The following SLC25A48 variants were observed in gnomAD, a reference collection of about 807,000 sequenced individuals.
SLC25A48 encodes CTC-321K16.1.
Under a neutral mutation model 32.2 loss-of-function variants are expected in SLC25A48, and 29 were observed. The ratio of observed to expected loss-of-function variants is 0.90; its 90% confidence interval spans 0.67 to 1.23. The LOEUF is 1.23. SLC25A48 is among the 50% of genes most tolerant of loss of function. The pLI is 0.00. For missense variants in SLC25A48, 399 were observed against 422.7 expected (o/e 0.94, Z 0.49); for synonymous variants, 164 against 172.3 (o/e 0.95, Z 0.38).
upstream of SLC25A48, among the ~76,000 whole-genome samples, chr5:135,831,065 G>A (rs1166453179): frequency 2.0e-5 from 3 of 152,196 alleles, no homozygotes; most frequent in South Asian, 2.1e-4. Context: ...AGTCGGCTAT[G>A]AGGAGGGCAG....
In SLC25A48 at chr5:135,695,230, G is replaced by A. The variant is rs569584934; in HGVS notation, c.-521+60274G>A. The stretch of plus-strand genomic sequence containing the variant: ...CCTGTCCATCCAGTCTGAGGTAGTG[G>A]CCTTCCCTTCCTCCAAAACCCTTCT... On this transcript the variant is annotated intron_variant, in intron 3 of 10. Transcript: ENST00000646290. Among the ~76,000 whole-genome samples, 3 of 152,314 alleles carry A rather than the reference G, an allele frequency of 2.0e-5. No individual in the cohort carries two copies. The East Asian group carries it at 5.8e-4, about 29-fold the overall frequency.
Position 135,641,602 on chromosome 5 carries a change from C to A in SLC25A48, c.-521+6646C>A, listed in dbSNP as rs142989113. Among the ~76,000 whole-genome samples the A allele has an allele frequency of 9.2e-5, 14 of 152,288 alleles. No homozygotes were observed. The East Asian group carries it at 2.7e-3, about 29-fold the overall frequency. On this transcript the variant is annotated intron_variant, in intron 3 of 10. Transcript: ENST00000646290. ...GCTCTCCAATCAGCATTAGTGATGA[C>A]CTCTTTGGGTAGCTGTAGGGCAGAA...
At chr5:135,767,241 C>G (rs185607273) in intron 3 of SLC25A48, among the ~76,000 whole-genome samples, 33 of 150,148 alleles carry the variant, frequency 2.2e-4, no homozygotes, top group Non-Finnish European at 2.8e-4. Flanking sequence ...GGTGATATTA[C>G]TATCTATATT....
At position 135,769,153 on chromosome 5, in the gene SLC25A48, G is replaced by A. The variant is rs559731639; in HGVS notation, c.-520-43370G>A. On this transcript the variant is annotated intron_variant, in intron 3 of 10. Transcript: ENST00000646290. ...TATTACTACCAATATCGCAAGGGGT[G>A]TACACCCCCCTGTGATATTGTTCAT... Among the ~76,000 whole-genome samples the A allele has an allele frequency of 1.9e-3, 276 of 149,108 alleles. 1 individual carries two copies. The highest frequency in any genetic ancestry group is 6.5e-3 in the African/African-American group (264 of 40,672).
chr5:135,690,312 G>T (rs748007310), intron 3 of SLC25A48, among the ~76,000 whole-genome samples: 5 of 152,122 alleles, frequency 3.3e-5, no homozygotes, highest in Non-Finnish European at 5.9e-5. Context: ...ATTATGGAGG[G>T]ATGAAAATCA....
chr5:135,644,953 A>C (rs1752924548), intron 3 of SLC25A48, among the ~76,000 whole-genome samples: 1 of 151,944 alleles, frequency 6.6e-6, no homozygotes, highest in African/African-American at 2.4e-5. Flanking sequence ...AGAGAACTCC[A>C]GTTCAAATAC....
chr5:135,637,169 C>A (rs1752724110), intron 3 of SLC25A48, among the ~76,000 whole-genome samples: 1 of 152,162 alleles, frequency 6.6e-6, no homozygotes, highest in Non-Finnish European at 1.5e-5. Context: ...ACACAAATCA[C>A]CAACAAGTAA....
intron 1 of SLC25A48, chr5:135,835,286 T>G (rs1758403269): frequency 6.8e-6 from 3 of 442,236 alleles, no homozygotes; most frequent in South Asian, 4.9e-5. Flanking sequence ...AGCGCTTGGC[T>G]GCTGATCCCG....
intron 7 of SLC25A48, 66 bp downstream of exon 7, chr5:135,880,163 C>A: frequency 6.9e-7 from 1 of 1,443,356 alleles, no homozygotes; most frequent in Non-Finnish European, 9.2e-7. Flanking sequence ...TTTTTTTTAT[C>A]ATGAGAATGT....
At chr5:135,587,443 G>A (rs753124281) in intron 1 of SLC25A48, among the ~76,000 whole-genome samples, 5 of 152,238 alleles carry the variant, frequency 3.3e-5, no homozygotes, top group Non-Finnish European at 5.9e-5. Flanking sequence ...TGTCAAGAGG[G>A]AGTGTTTGTG....
intron 6 of SLC25A48, among the ~76,000 whole-genome samples, chr5:135,879,583 GGAGAGAGAGAGA>G (rs371969525): frequency 0.013 from 1,897 of 143,454 alleles, 38 homozygotes; most frequent in African/African-American, 0.047. Context: ...AGATTCCCGA[GGAGAGAGAGAGA>G]GAGAGAGAGA....
At chr5:135,692,024 A>C (rs1754153423) in intron 3 of SLC25A48, among the ~76,000 whole-genome samples, 1 of 152,198 alleles carries the variant, frequency 6.6e-6, no homozygotes, top group South Asian at 2.1e-4. Context: ...ATCTTTAAAA[A>C]AGAGGTAGGC....
intron 3 of SLC25A48, among the ~76,000 whole-genome samples, chr5:135,730,714 TC>T (rs1161596158): frequency 6.6e-6 from 1 of 152,192 alleles, no homozygotes; most frequent in Non-Finnish European, 1.5e-5. Context: ...GTTTGAAACT[TC>T]CTAGAGACTT....
intron 1 of SLC25A48, among the ~76,000 whole-genome samples, chr5:135,590,453 C>T (rs1751494352): frequency 6.6e-6 from 1 of 152,326 alleles, no homozygotes; most frequent in African/African-American, 2.4e-5. Flanking sequence ...TGCTCTGTGT[C>T]TGGGCCTGTA....
At chr5:135,709,571 G>A (rs1448422744) in intron 3 of SLC25A48, among the ~76,000 whole-genome samples, 4 of 152,212 alleles carry the variant, frequency 2.6e-5, no homozygotes, top group African/African-American at 7.2e-5. Flanking sequence ...TTTGAAGCAG[G>A]GCGCCGTGGA....
chr5:135,812,086 AAAAT>A (rs1248495552), intron 3 of SLC25A48, among the ~76,000 whole-genome samples: 8 of 151,960 alleles, frequency 5.3e-5, no homozygotes, highest in African/African-American at 1.5e-4. Flanking sequence ...TGTCTCAAAA[AAAAT>A]AAATAAATAA....
At position 135,755,802 on chromosome 5, in the gene SLC25A48, G is replaced by A. The variant is rs1026822164; in HGVS notation, c.-520-56721G>A. ...TGCACTATGGTATGAATGAAATATC[G>A]CTGCGACATTTATCTCATATCTAAT... On this transcript the variant is annotated intron_variant, in intron 3 of 10. Transcript: ENST00000646290. Among the ~76,000 whole-genome samples the A allele has an allele frequency of 4.6e-5, 7 of 151,398 alleles. No individual in the cohort carries two copies. In the East Asian group the frequency reaches 9.7e-4, roughly 21 times the overall value.
intron 3 of SLC25A48, among the ~76,000 whole-genome samples, chr5:135,755,813 TA>T (rs550134939): frequency 2.0e-5 from 3 of 151,922 alleles, no homozygotes; most frequent in South Asian, 2.1e-4. Context: ...CTGCGACATT[TA>T]TCTCATATCT....
At chr5:135,822,101 G>T (rs1397260744) in intron 4 of SLC25A48, 1 of 152,224 alleles carries the variant, frequency 6.6e-6, no homozygotes, top group Admixed American at 6.5e-5. Flanking sequence ...CCACCACAGG[G>T]AGTCTGTGCT....
Sources: gnomAD v4.1 joint callset for allele counts (sites outside exome capture counted in the v4.1 genomes callset) on GRCh38, gnomAD v4.1.1 for gene constraint, MANE v1.5 for transcripts, NCBI Gene and HGNC (gene_info 2026-07-23, HGNC 2026-07-21) for gene names.